The following NCAPD3 variants were observed in gnomAD, a reference collection of about 807,000 sequenced individuals.
NCAPD3 encodes non-SMC condensin II complex subunit D3, also known as condensin-2 complex subunit D3.
In NCAPD3, 105 loss-of-function variants were observed where a neutral mutation model predicts 182.9. The ratio of observed to expected loss-of-function variants is 0.57; its 90% CI spans 0.49 to 0.68. The LOEUF is 0.68. Among genes scored for constraint, NCAPD3 ranks in the 30% least tolerant of loss-of-function variants. The pLI is 0.00. For synonymous variants in NCAPD3, 815 were observed against 679.9 expected (o/e 1.20, Z -3.09); for missense variants, 1,944 against 1,837.0 (o/e 1.06, Z -1.07).
At chr11:134,194,554 A>G (rs1306219742) in intron 14 of NCAPD3, 111 bp downstream of exon 14, 1 of 640,972 alleles carries the variant, frequency 1.6e-6, no homozygotes, top group Non-Finnish European at 2.5e-6. Flanking sequence ...ACTAACAGTT[A>G]GGCGAAAAGC....
In NCAPD3 at chr11:134,184,233, T is replaced by C. The variant is rs532305314; in HGVS notation, c.2451+404A>G. 5.3e-5 allele frequency among the ~76,000 whole-genome samples: 8 copies of C among 152,348 alleles called. No individual in the cohort carries two copies. The South Asian group carries it at 1.7e-3, about 32-fold the overall frequency. ...AACAGGACAGGCATGTCCAAGATTATGACTTATCAGAAGGTCAGAAACCTG... is the reference window on the plus strand; with the variant it reads ...AACAGGACAGGCATGTCCAAGATTACGACTTATCAGAAGGTCAGAAACCTG... On this transcript the variant is annotated intron_variant, in intron 19 of 34. Coordinates refer to ENST00000534548, the MANE Select transcript of NCAPD3 (RefSeq NM_015261.3).
At chr11:134,167,464 ACACT>A (rs201817683) in intron 27 of NCAPD3, among the ~76,000 whole-genome samples, 5 of 126,376 alleles carry the variant, frequency 4.0e-5, no homozygotes, top group African/African-American at 9.2e-5. Context: ...GGGGAGGCGC[ACACT>A]CACTTGTGAG....
chr11:134,156,861 G>A (rs796544327), intron 32 of NCAPD3, 157 bp downstream of exon 32: 17 of 622,938 alleles, frequency 2.7e-5, no homozygotes, highest in African/African-American at 1.1e-4. Flanking sequence ...TCAAGCGACC[G>A]TGGTCACTGT....
rs191346401 is a variant in NCAPD3 at position 134,156,416 on chromosome 11, A to G, written c.4252+602T>C. Among the ~76,000 whole-genome samples the G allele has an allele frequency of 5.9e-5, 9 of 152,344 alleles. No individual in the cohort carries two copies. In the East Asian group the frequency reaches 1.7e-3, roughly 29 times the overall value. On this transcript the variant is annotated intron_variant, in intron 32 of 34. Transcript: ENST00000534548. The stretch of plus-strand genomic sequence containing the variant: ...TTCTTCTTCCTGTAAGAGTTTTCTC[A>G]AAATAATGGTTTTTATGAGGTTTGA...
At chr11:134,188,827 T>C (rs1944466566) in intron 16 of NCAPD3, among the ~76,000 whole-genome samples, 1 of 152,104 alleles carries the variant, frequency 6.6e-6, no homozygotes, top group Non-Finnish European at 1.5e-5. Context: ...CCAGAAGGAA[T>C]AAATTCCGGA....
chr11:134,223,221 C>A, intron 1 of NCAPD3: 1 of 574,552 alleles, frequency 1.7e-6, no homozygotes. Flanking sequence ...GGGGGATGGG[C>A]TGGCACAGTT....
chr11:134,200,316 G>A (rs1944723244), intron 13 of NCAPD3, among the ~76,000 whole-genome samples: 1 of 151,698 alleles, frequency 6.6e-6, no homozygotes, highest in Non-Finnish European at 1.5e-5. Context: ...CCACAGACTG[G>A]GACAAGTCTT....
chr11:134,203,546 G>T (rs1328465647), intron 11 of NCAPD3, 108 bp downstream of exon 11: 2 of 1,394,912 alleles, frequency 1.4e-6, no homozygotes, highest in African/African-American at 1.4e-5. Context: ...AGTAAAAATA[G>T]ATCATGCCAT....
Position 134,176,393 on chromosome 11 carries a change from A to C in NCAPD3, c.3022-7T>G. Reference sequence around the variant, plus strand: ...TCCATTTCACAAATTCCTCCTGTGCAGAGAGAAGCCGGCATGTTTCAGAGT... The same window carrying C: ...TCCATTTCACAAATTCCTCCTGTGCCGAGAGAAGCCGGCATGTTTCAGAGT... On this transcript the variant is annotated splice_polypyrimidine_tract_variant and splice_region_variant and intron_variant, in intron 23 of 34. Coordinates refer to ENST00000534548, the MANE Select transcript of NCAPD3 (RefSeq NM_015261.3). The C allele has an allele frequency of 6.2e-7, 1 of 1,613,310 alleles. No homozygotes were observed. Among genetic ancestry groups the C allele is most frequent in the Non-Finnish European group, 8.5e-7 (1 of 1,179,408 alleles).
chr11:134,177,529 T>C lies in NCAPD3; in HGVS notation c.2783-72A>G, dbSNP rs1944199543. 8.9e-6 allele frequency: 12 copies of C among 1,340,912 alleles called. 1 individual carries two copies. In the South Asian group the frequency reaches 1.4e-4, roughly 15 times the overall value. The allele number at this position is 1,340,912 out of a possible 1,614,324, so 83.1% of individuals were successfully genotyped here. The stretch of plus-strand genomic sequence containing the variant: ...ATTCCATTCCTAAATTTTCTCCAGA[T>C]ACATCTTGCTAATGGCTTCTATTTC... On this transcript the variant is annotated intron_variant, in intron 22 of 34. Coordinates refer to ENST00000534548, the MANE Select transcript of NCAPD3 (RefSeq NM_015261.3).
At chr11:134,158,883 T>G (rs1943503327) in intron 29 of NCAPD3, among the ~76,000 whole-genome samples, 1 of 152,184 alleles carries the variant, frequency 6.6e-6, no homozygotes, top group African/African-American at 2.4e-5. Flanking sequence ...CTCCGTGAGA[T>G]CAACCTTTTT....
chr11:134,170,614 CCTCT>C (rs1183671749), intron 24 of NCAPD3, among the ~76,000 whole-genome samples: 2 of 152,190 alleles, frequency 1.3e-5, no homozygotes, highest in Non-Finnish European at 2.9e-5. Context: ...AAGAGGGTTC[CCTCT>C]GAGTTTGGAC....
intron 27 of NCAPD3, among the ~76,000 whole-genome samples, chr11:134,162,146 A>G (rs1565520027): frequency 6.6e-6 from 1 of 152,220 alleles, no homozygotes; most frequent in Admixed American, 6.5e-5. Flanking sequence ...GGGGAAAAAG[A>G]ATTAGAAACA....
At chr11:134,159,395 G>T (rs1385569943) in intron 29 of NCAPD3, among the ~76,000 whole-genome samples, 1 of 152,178 alleles carries the variant, frequency 6.6e-6, no homozygotes, top group African/African-American at 2.4e-5. Flanking sequence ...TGGGTAAGTT[G>T]AATTTCCTTT....
chr11:134,219,387 C>T (rs1938144257), intron 2 of NCAPD3, among the ~76,000 whole-genome samples: 1 of 152,178 alleles, frequency 6.6e-6, no homozygotes, highest in African/African-American at 2.4e-5. Context: ...CCTGCAACTG[C>T]ATGTGGCTGC....
intron 32 of NCAPD3, among the ~76,000 whole-genome samples, chr11:134,155,389 G>A (rs1024993905): frequency 6.6e-6 from 1 of 152,154 alleles, no homozygotes; most frequent in African/African-American, 2.4e-5. Context: ...CTCCCAGGAA[G>A]GGGAGACCTC....
chr11:134,152,997 G>C lies in NCAPD3; in HGVS notation c.4444C>G (p.Pro1482Ala), dbSNP rs757290309. 1.3e-6 allele frequency: 2 copies of C among 1,588,152 alleles called. No individual in the cohort carries two copies. Among genetic ancestry groups the C allele is most frequent in the Non-Finnish European group, 1.7e-6 (2 of 1,165,288 alleles). ...VRSPARNKDT[P>A]ACSRRSLRKT... is the part of the protein sequence containing the mutation. ...CGGAGGGACCTCCTGCTGCAGGCTG[G>C]AGTGTCTTTATTCCTGGCGGGAGAC... Residue 1482 changes from proline (P) to alanine (A), a missense_variant, in exon 35 of 35, where the codon CCA becomes GCA. Physicochemically the swap from Pro to Ala is conservative, Grantham distance 27. Transcript: ENST00000534548.
At position 134,204,869 on chromosome 11, in the gene NCAPD3, T is replaced by G; in HGVS notation, c.1089+30A>C. ...TATCTTCACACACGATATACTTCCA[T>G]GTTATTAATATTACTAAGGCAAACA... On this transcript the variant is annotated intron_variant, in intron 9 of 34. Transcript: ENST00000534548. The surrounding 1 kb of genome is among the most constrained non-coding windows in gnomAD (Gnocchi z 4.3). 1 of 1,542,676 alleles carries G rather than the reference T, an allele frequency of 6.5e-7. No homozygotes were observed. Among genetic ancestry groups the G allele is most frequent in the Non-Finnish European group, 9.0e-7 (1 of 1,116,462 alleles).
chr11:134,207,330 T>C (rs1294142912), intron 7 of NCAPD3, among the ~76,000 whole-genome samples: 2 of 152,064 alleles, frequency 1.3e-5, no homozygotes, highest in Non-Finnish European at 2.9e-5. Context: ...AAGCAGGACA[T>C]GTATAATTTC....
Sources: allele counts gnomAD v4.1 joint callset (sites outside exome capture counted in the v4.1 genomes callset), GRCh38; gene constraint gnomAD v4.1.1; non-coding constraint Gnocchi (gnomAD v3.1); transcripts MANE v1.5; gene names NCBI Gene and HGNC (gene_info 2026-07-23, HGNC 2026-07-21).